The following UBE3A variants were observed in gnomAD, a reference collection of about 807,000 sequenced individuals.
UBE3A encodes ubiquitin protein ligase E3A, also known as ubiquitin-protein ligase E3A.
Under a neutral mutation model 83.4 loss-of-function variants are expected in UBE3A, and 6 were observed. The ratio of observed to expected loss-of-function variants is 0.07; its 90% CI spans 0.04 to 0.14. The LOEUF (loss-of-function observed/expected upper bound fraction) is 0.14. Among genes scored for constraint, UBE3A ranks in the 10% least tolerant of loss-of-function variants. UBE3A has a pLI of 1.00. For missense variants in UBE3A, 456 were observed against 1,036.1 expected (o/e 0.44, Z 7.69); for synonymous variants, 337 against 355.4 (o/e 0.95, Z 0.58).
intron 11 of UBE3A, chr15:25,346,077 T>G (rs752080379): frequency 1.3e-5 from 2 of 152,198 alleles, no homozygotes; most frequent in African/African-American, 4.8e-5. Context: ...TGTTCACCTT[T>G]CCTGCAAGTG....
At chr15:25,386,479 T>G (rs577873160) in intron 4 of UBE3A, among the ~76,000 whole-genome samples, 5 of 152,112 alleles carry the variant, frequency 3.3e-5, no homozygotes, top group African/African-American at 1.2e-4. Flanking sequence ...AAAGTAGAGA[T>G]GAAAATCCTA....
intron 1 of UBE3A, among the ~76,000 whole-genome samples, chr15:25,432,978 C>T (rs915106085): frequency 2.6e-5 from 4 of 152,122 alleles, no homozygotes; most frequent in African/African-American, 9.7e-5. Context: ...CTAAAAATAT[C>T]TTTTCCTTTC....
intron 3 of UBE3A, chr15:25,408,270 C>T (rs2089164401): frequency 3.1e-6 from 1 of 323,942 alleles, no homozygotes; most frequent in East Asian, 7.2e-5. Context: ...AGTTCCCAAG[C>T]TTGACTTTGG....
At chr15:25,367,204 T>C (rs1345650489) in intron 6 of UBE3A, among the ~76,000 whole-genome samples, 3 of 97,130 alleles carry the variant, frequency 3.1e-5, no homozygotes, top group Non-Finnish European at 5.6e-5. Context: ...TTTACATATT[T>C]GTAAATATGT....
chr15:25,434,055 C>T (rs1228749397), intron 1 of UBE3A, among the ~76,000 whole-genome samples: 2 of 152,128 alleles, frequency 1.3e-5, no homozygotes, highest in Non-Finnish European at 2.9e-5. Flanking sequence ...CAGCGAGACC[C>T]TGTCTCTAAA....
At chr15:25,391,552 C>G (rs1350983857) in intron 4 of UBE3A, 1 of 152,040 alleles carries the variant, frequency 6.6e-6, no homozygotes, top group Non-Finnish European at 1.5e-5. Context: ...CTGATAAAAA[C>G]CTGTTTTATC....
chr15:25,363,549 AG>A (rs1412931455), intron 6 of UBE3A, among the ~76,000 whole-genome samples: 2 of 152,308 alleles, frequency 1.3e-5, no homozygotes, highest in East Asian at 3.9e-4. Context: ...AGATACTGAA[AG>A]GTGAAATAAC....
intron 4 of UBE3A, among the ~76,000 whole-genome samples, chr15:25,382,321 A>C (rs988432285): frequency 6.2e-5 from 9 of 144,382 alleles, no homozygotes; most frequent in Non-Finnish European, 1.4e-4. Flanking sequence ...ACTCTGTCTC[A>C]AAAAAAAAAA....
rs1057523671 is a variant in UBE3A, at chr15:25,360,516, G to T, written c.1620C>A (p.Ile540=). ...IDDALVRLEM[I]AMENPADLKK... is the part of the protein sequence containing the mutation. ...TCAAGTCTGCAGGATTTTCCATAGC[G>T]ATCATCTCTAGCTAGTGATTGAAAA... Residue 540 remains isoleucine (I), a synonymous_variant, in exon 7 of 13, where the codon ATC becomes ATA. Coordinates refer to ENST00000648336, the MANE Select transcript of UBE3A (RefSeq NM_130839.5). The T allele has an allele frequency of 2.5e-6, 4 of 1,613,434 alleles. No individual in the cohort carries two copies. The highest frequency in any genetic ancestry group is 3.4e-6 in the Non-Finnish European group (4 of 1,179,864).
chr15:25,435,665 C>A (rs151048707), intron 1 of UBE3A, among the ~76,000 whole-genome samples: 1 of 152,132 alleles, frequency 6.6e-6, no homozygotes, highest in Non-Finnish European at 1.5e-5. Context: ...TTTGTTGGTA[C>A]CTTGATCTTG....
intron 4 of UBE3A, chr15:25,391,608 A>G (rs2084407348): frequency 6.6e-6 from 1 of 152,182 alleles, no homozygotes; most frequent in African/African-American, 2.4e-5. Context: ...AAAAAAGTGC[A>G]TGTGAAATAC....
At chr15:25,390,948 A>G (rs1467385445) in intron 4 of UBE3A, among the ~76,000 whole-genome samples, 1 of 152,026 alleles carries the variant, frequency 6.6e-6, no homozygotes, top group African/African-American at 2.4e-5. Context: ...GTAAAAAAAA[A>G]AAAAATCTAA....
chr15:25,341,969 T>C (rs1343371086), intron 11 of UBE3A, among the ~76,000 whole-genome samples: 1 of 152,130 alleles, frequency 6.6e-6, no homozygotes, highest in African/African-American at 2.4e-5. Context: ...TTATTAGAAT[T>C]CTTGGCTTTC....
chr15:25,382,332 A>G lies in UBE3A; in HGVS notation c.63-6569T>C, dbSNP rs559208614. On this transcript the variant is annotated intron_variant, in intron 4 of 12. Coordinates refer to ENST00000648336, the MANE Select transcript of UBE3A (RefSeq NM_130839.5). Reference sequence around the variant, plus strand: ...CGAGACTCTGTCTCAAAAAAAAAAAAGAAAAGAAAAGAACTGTTTTTTTCA... The same window carrying G: ...CGAGACTCTGTCTCAAAAAAAAAAAGGAAAAGAAAAGAACTGTTTTTTTCA... 3.3e-5 allele frequency among the ~76,000 whole-genome samples: 5 copies of G among 152,100 alleles called. No homozygotes were observed. The South Asian group carries it at 1.0e-3, about 32-fold the overall frequency.
At chr15:25,392,586 A>G (rs183690009) in intron 4 of UBE3A, among the ~76,000 whole-genome samples, 10 of 152,336 alleles carry the variant, frequency 6.6e-5, no homozygotes, top group Middle Eastern at 3.4e-3. Flanking sequence ...CACGATTTCA[A>G]TATCACAGAG....
intron 7 of UBE3A, among the ~76,000 whole-genome samples, chr15:25,357,863 T>C (rs1391978077): frequency 6.6e-6 from 1 of 151,530 alleles, no homozygotes; most frequent in Non-Finnish European, 1.5e-5. Context: ...GTCTTTCAAT[T>C]TCACATGGTC....
At chr15:25,384,697 C>A (rs1015055443) in intron 4 of UBE3A, among the ~76,000 whole-genome samples, 1 of 151,922 alleles carries the variant, frequency 6.6e-6, no homozygotes, top group Non-Finnish European at 1.5e-5. Flanking sequence ...TTGAAGGACC[C>A]TGAATAGCCG....
At chr15:25,369,479 T>C (rs117828919) in intron 6 of UBE3A, among the ~76,000 whole-genome samples, 3,329 of 151,952 alleles carry the variant, frequency 0.022, 60 homozygotes, top group Non-Finnish European at 0.032. Context: ...ATTTAGACAA[T>C]TCTAAAACTA....
chr15:25,433,230 T>C (rs1267322361), intron 1 of UBE3A, among the ~76,000 whole-genome samples: 1 of 151,608 alleles, frequency 6.6e-6, no homozygotes, highest in Non-Finnish European at 1.5e-5. Context: ...TCTCACTCTG[T>C]CGCCAGGCAG....
Sources: allele counts gnomAD v4.1 joint callset (sites outside exome capture counted in the v4.1 genomes callset), GRCh38; gene constraint gnomAD v4.1.1; transcripts MANE v1.5; gene names NCBI Gene and HGNC (gene_info 2026-07-23, HGNC 2026-07-21).